CNKSR1: variants seen among roughly 807,000 people sequenced by gnomAD.
CNKSR1 encodes CNK homolog protein 1.
A neutral mutation model predicts 95.6 loss-of-function variants in CNKSR1; 88 were observed. The ratio of observed to expected loss-of-function variants is 0.92; its 90% CI spans 0.78 to 1.10. CNKSR1 has a LOEUF of 1.10. Ranked by LOEUF, CNKSR1 falls within the 50% of genes least tolerant of loss-of-function variation. CNKSR1 has a pLI of 0.00. For missense variants in CNKSR1, 836 were observed against 912.0 expected, an observed-to-expected ratio of 0.92 and a Z score of 1.07; for synonymous variants, 355 against 369.7, an observed-to-expected ratio of 0.96 and a Z score of 0.46.
Position 26,180,910 on chromosome 1 carries a change from GGTGACGA to G in CNKSR1, c.392+19_392+25del, listed in dbSNP as rs769100494. 1.1e-4 allele frequency: 172 copies of G among 1,614,028 alleles called. No homozygotes were observed. The highest frequency in any genetic ancestry group is 1.4e-4 in the Non-Finnish European group (163 of 1,180,034). On this transcript the variant is annotated intron_variant, in intron 3 of 20. Transcript: ENST00000361530. Reference sequence around the variant, plus strand: ...CTGGCTCAGCAGGTACCCGGGTTGGGGTGACGAGTGAGGGACTATTGTCATCCTTGGC... The same window carrying G: ...CTGGCTCAGCAGGTACCCGGGTTGGGGTGAGGGACTATTGTCATCCTTGGC...
rs767816658 is a variant in CNKSR1, at chr1:26,189,309, G to T, written c.1903G>T (p.Glu635Ter). The T allele has an allele frequency of 9.3e-6, 15 of 1,614,182 alleles. No individual in the cohort carries two copies. The highest frequency in any genetic ancestry group is 5.0e-5 in the Admixed American group (3 of 60,022). Residue 635 changes from glutamate to a stop codon, truncating the protein, a stop_gained, in exon 21 of 21, where the codon GAA becomes TAA. Coordinates refer to ENST00000361530, the MANE Select transcript of CNKSR1 (RefSeq NM_006314.3). LOFTEE classifies it low-confidence loss of function (END_TRUNC). ...AKLQELQVLE[E>*]VLGDPELTGE... ...GCTGCAGGAGCTGCAGGTCCTAGAA[G>T]AAGTGCTGGGTGACCCTGAGCTGAC...
In CNKSR1 at chr1:26,188,477, G is replaced by A. The variant is rs375275060; in HGVS notation, c.1564G>A (p.Asp522Asn). The A allele has an allele frequency of 5.0e-6, 8 of 1,604,896 alleles. No individual in the cohort carries two copies. The highest frequency in any genetic ancestry group is 1.7e-5 in the Admixed American group (1 of 58,182). ...TGAGACCGAAGCAGAGGACCCGGAC[G>A]ATGAGGCTGGGTCCCACTCAGCCTC... Reference protein sequence around the residue: ...YSETEAEDPDDEAGSHSASPS... With the variant: ...YSETEAEDPDNEAGSHSASPS... Residue 522 changes from aspartate to asparagine, a missense_variant, in exon 18 of 21, where the codon GAT (aspartate) becomes AAT (asparagine). Asp to Asn is a conservative substitution (Grantham distance 23). Coordinates refer to ENST00000361530, the MANE Select transcript of CNKSR1 (RefSeq NM_006314.3).
At position 26,188,782 on chromosome 1, in the gene CNKSR1, A is replaced by C. The variant is rs767578743; in HGVS notation, c.1701A>C (p.Glu567Asp). 1 of 1,609,604 alleles carries C rather than the reference A, an allele frequency of 6.2e-7. No individual in the cohort carries two copies. Among genetic ancestry groups the C allele is most frequent in the Non-Finnish European group, 8.5e-7 (1 of 1,176,882 alleles). ...TCTTCCCTCCCACAGACAGCAGTGA[A>C]GAGGCACTGGAAGGAATGGTACGGG... is the stretch of plus-strand genomic sequence containing the variant. Reference protein sequence around the residue: ...TSFGSLTDSSEEALEGMVRGL... With the variant: ...TSFGSLTDSSDEALEGMVRGL... The change falls in exon 20 of 21, where the codon GAA becomes GAC. Residue 567 changes from glutamate (E) to aspartate (D), a missense_variant. Transcript: ENST00000361530.
Position 26,189,716 on chromosome 1 carries a change from C to T in CNKSR1, c.*168C>T, listed in dbSNP as rs1157000332. The T allele has an allele frequency of 5.5e-6, 4 of 722,388 alleles. No homozygotes were observed. The highest frequency in any genetic ancestry group is 5.2e-5 in the East Asian group (2 of 38,680). 44.7% of individuals were successfully genotyped at this position (722,388 alleles called of 1,614,324 possible). A position where few individuals can be genotyped will look rare whatever the true frequency, so the allele number is the denominator to read the frequency against. ...CCCTCTGCCTGGGCTTTGTGCCACC[C>T]TCTCCCTTGCCAAAGAAGAAACTCT... is the stretch of plus-strand genomic sequence containing the variant. On this transcript the variant is annotated 3_prime_UTR_variant, in exon 21 of 21. Coordinates refer to ENST00000361530, the MANE Select transcript of CNKSR1 (RefSeq NM_006314.3).
Position 26,185,037 on chromosome 1 carries a change from C to T in CNKSR1, c.1159C>T (p.Arg387Trp), listed in dbSNP as rs1458800107. 3.1e-5 allele frequency: 49 copies of T among 1,601,238 alleles called. No individual in the cohort carries two copies. The highest frequency in any genetic ancestry group is 4.0e-5 in the Non-Finnish European group (47 of 1,178,192). ...AGGCCTGGCGACCCGGCTGAGCCGC[C>T]GGCGGGTGTCATGCCGTGAGCTGGG... The part of the protein sequence containing the change: ...SKGLATRLSR[R>W]RVSCRELGRP... The change falls in exon 14 of 21, where the codon CGG becomes TGG. Residue 387 changes from arginine (R) to tryptophan (W), a missense_variant. Coordinates refer to ENST00000361530, the MANE Select transcript of CNKSR1 (RefSeq NM_006314.3).
chr1:26,183,901 C>T (rs1480930940), intron 9 of CNKSR1, 71 bp downstream of exon 9: 1 of 536,134 alleles, frequency 1.9e-6, no homozygotes, highest in Non-Finnish European at 3.4e-6. Flanking sequence ...CCCACCACCC[C>T]CACACCTGCC....
chr1:26,185,562 T>C (rs2088734606), intron 14 of CNKSR1, among the ~76,000 whole-genome samples: 1 of 151,850 alleles, frequency 6.6e-6, no homozygotes, highest in Non-Finnish European at 1.5e-5. Flanking sequence ...CCAGCATATT[T>C]TTTGTGTTTT....
intron 6 of CNKSR1, 75 bp downstream of exon 6, chr1:26,182,659 TCCCACAGAA>T (rs1389150635): frequency 5.9e-5 from 76 of 1,290,152 alleles, no homozygotes; most frequent in Non-Finnish European, 8.1e-5. Context: ...GGGTCCAGGA[TCCCACAGAA>T]CCCTGTGCTG....
At chr1:26,188,087 T>G in intron 16 of CNKSR1, 147 bp from the exon 17 acceptor site, 1 of 750,634 alleles carries the variant, frequency 1.3e-6, no homozygotes, top group South Asian at 1.5e-5. Context: ...AGCCTCAGTT[T>G]CATCATCTAT....
chr1:26,187,880 C>T (rs1260440671), intron 16 of CNKSR1, among the ~76,000 whole-genome samples: 1 of 151,958 alleles, frequency 6.6e-6, no homozygotes, highest in Non-Finnish European at 1.5e-5. Flanking sequence ...CTCGGCCTCC[C>T]AAAGAGCTGG....
In CNKSR1 at chr1:26,180,933, C is replaced by T. The variant is rs369770937; in HGVS notation, c.392+37C>T. ...GGGGTGACGAGTGAGGGACTATTGT[C>T]ATCCTTGGCCTCCTTCAGGGCGTGG... On this transcript the variant is annotated intron_variant, in intron 3 of 20. Transcript: ENST00000361530. The T allele has an allele frequency of 3.6e-5, 58 of 1,612,150 alleles. No homozygotes were observed. In the African/African-American group the frequency reaches 7.2e-4, roughly 20 times the overall value.
intron 3 of CNKSR1, 100 bp from the exon 4 acceptor site, chr1:26,181,757 G>C: frequency 8.9e-7 from 1 of 1,126,518 alleles, no homozygotes; most frequent in Middle Eastern, 2.0e-4. Context: ...CATCAGAGCA[G>C]GTATTATCCC....
At chr1:26,179,837 T>C (rs1265596475) in intron 1 of CNKSR1, among the ~76,000 whole-genome samples, 1 of 152,166 alleles carries the variant, frequency 6.6e-6, no homozygotes, top group Non-Finnish European at 1.5e-5. Flanking sequence ...GTCACCTGCA[T>C]TAAAATACAA....
At chr1:26,186,932 T>C in intron 14 of CNKSR1, 2 of 460,608 alleles carry the variant, frequency 4.3e-6, no homozygotes, top group South Asian at 2.5e-5. Flanking sequence ...TTTTTTTGGC[T>C]GTTTCTCTGA....
At chr1:26,184,365 C>T (rs1345531136) in intron 11 of CNKSR1, 36 bp from the exon 12 acceptor site, 4 of 1,607,344 alleles carry the variant, frequency 2.5e-6, no homozygotes, top group Admixed American at 3.3e-5. Flanking sequence ...GGACTGGGCT[C>T]ATAGACTTTC....
intron 14 of CNKSR1, among the ~76,000 whole-genome samples, chr1:26,186,041 C>T (rs1165338316): frequency 6.6e-6 from 1 of 152,136 alleles, no homozygotes; most frequent in African/African-American, 2.4e-5. Flanking sequence ...GGGATGAATA[C>T]ACACTCAAGG....
chr1:26,188,436 C>T lies in CNKSR1; in HGVS notation c.1529-6C>T. On this transcript the variant is annotated splice_polypyrimidine_tract_variant and splice_region_variant and intron_variant, in intron 17 of 20. Coordinates refer to ENST00000361530, the MANE Select transcript of CNKSR1 (RefSeq NM_006314.3). The stretch of plus-strand genomic sequence containing the variant: ...CCCAAAAACCCACTGCTGCTCCTCA[C>T]CCCAGACTGCTACAGTGAGACCGAA... 5.0e-6 allele frequency: 8 copies of T among 1,605,210 alleles called. No homozygotes were observed. The highest frequency in any genetic ancestry group is 1.3e-5 in the African/African-American group (1 of 74,898).
In CNKSR1 at chr1:26,188,220, C is replaced by T. The variant is rs775293886; in HGVS notation, c.1455-14C>T. 134 of 1,613,284 alleles carry T rather than the reference C, an allele frequency of 8.3e-5. No individual in the cohort carries two copies. Among genetic ancestry groups the T allele is most frequent in the Non-Finnish European group, 8.7e-5 (103 of 1,179,354 alleles). On this transcript the variant is annotated splice_polypyrimidine_tract_variant and intron_variant, in intron 16 of 20. Coordinates refer to ENST00000361530, the MANE Select transcript of CNKSR1 (RefSeq NM_006314.3). ...GTGGATGGAAACCCTGTGAGACCTG[C>T]TTGCTCTCCATAGGTGGGTGCGTCA... is the stretch of plus-strand genomic sequence containing the variant.
chr1:26,182,709 G>A, intron 6 of CNKSR1, 125 bp downstream of exon 6: 1 of 904,818 alleles, frequency 1.1e-6, no homozygotes, highest in Non-Finnish European at 1.7e-6. Context: ...TTGTACAGAT[G>A]CTAAAATGGA....
Sources: gnomAD v4.1 joint callset for allele counts (sites outside exome capture counted in the v4.1 genomes callset) on GRCh38, gnomAD v4.1.1 for gene constraint, MANE v1.5 for transcripts, NCBI Gene and HGNC (gene_info 2026-07-23, HGNC 2026-07-21) for gene names.